Variants in PARPBP observed in about 807,000 individuals in gnomAD.
The protein encoded by PARPBP is PARP1 binding protein.
In PARPBP, 52 loss-of-function variants were observed where a neutral mutation model predicts 50.0. The observed-to-expected ratio is 1.04, with a 90% CI of 0.83 to 1.31. PARPBP has a LOEUF of 1.31. PARPBP is among the 50% of genes most tolerant of loss of function. PARPBP has a pLI of 0.00. For missense variants in PARPBP, 697 were observed against 672.0 expected, an observed-to-expected ratio of 1.04 and a Z score of -0.41; for synonymous variants, 244 against 232.1, an observed-to-expected ratio of 1.05 and a Z score of -0.47.
intron 2 of PARPBP, among the ~76,000 whole-genome samples, chr12:102,131,158 C>G (rs1305852416): frequency 1.3e-5 from 2 of 152,138 alleles, no homozygotes; most frequent in African/African-American, 2.4e-5. Flanking sequence ...AACCCCATCT[C>G]TACTAAAATT....
At chr12:102,136,708 A>G (rs1883685158) in intron 2 of PARPBP, among the ~76,000 whole-genome samples, 1 of 152,116 alleles carries the variant, frequency 6.6e-6, no homozygotes, top group Non-Finnish European at 1.5e-5. Context: ...GTGGTGTGGT[A>G]GGTTGCAGTT....
intron 6 of PARPBP, among the ~76,000 whole-genome samples, chr12:102,171,879 A>G (rs1441029270): frequency 6.6e-6 from 1 of 152,146 alleles, no homozygotes; most frequent in Non-Finnish European, 1.5e-5. Context: ...AAAAAAAAAA[A>G]AAAATTCAGA....
intron 1 of PARPBP, 131 bp downstream of exon 1, chr12:102,120,417 G>A: frequency 2.2e-6 from 1 of 456,164 alleles, no homozygotes; most frequent in South Asian, 1.5e-5. Context: ...GTATTATGGT[G>A]CAGTGACTTG....
intron 2 of PARPBP, among the ~76,000 whole-genome samples, chr12:102,147,467 C>CA (rs1186014039): frequency 6.7e-6 from 1 of 149,262 alleles, no homozygotes; most frequent in African/African-American, 2.5e-5. Flanking sequence ...ATCGCAAGGA[C>CA]AAAAAACCAA....
intron 6 of PARPBP, among the ~76,000 whole-genome samples, chr12:102,170,350 C>T (rs1032045355): frequency 6.6e-6 from 1 of 152,236 alleles, no homozygotes; most frequent in Admixed American, 6.5e-5. Context: ...ATAGACTGTA[C>T]ATACACAAAC....
At chr12:102,132,605 T>C (rs750361521) in intron 2 of PARPBP, among the ~76,000 whole-genome samples, 4 of 152,228 alleles carry the variant, frequency 2.6e-5, no homozygotes, top group African/African-American at 7.2e-5. Context: ...CCAGCTTTGT[T>C]CATTTTGCTC....
intron 6 of PARPBP, among the ~76,000 whole-genome samples, chr12:102,174,155 C>T (rs1259814967): frequency 6.6e-6 from 1 of 151,558 alleles, no homozygotes; most frequent in Non-Finnish European, 1.5e-5. Flanking sequence ...TTTTTCATGA[C>T]TTTTTTCTCA....
chr12:102,154,025 A>G (rs770172404), intron 4 of PARPBP, 49 bp downstream of exon 4: 11 of 1,112,980 alleles, frequency 9.9e-6, no homozygotes, highest in Middle Eastern at 2.2e-4. Flanking sequence ...TCCCTTTCAA[A>G]TCACTGAATT....
At chr12:102,182,488 G>T in intron 8 of PARPBP, 61 bp from the exon 9 acceptor site, 2 of 1,170,048 alleles carry the variant, frequency 1.7e-6, no homozygotes, top group Non-Finnish European at 2.5e-6. Context: ...ACGTGAATTT[G>T]GAGGGAAACA....
At chr12:102,155,451 TG>T (rs1192384678) in intron 4 of PARPBP, among the ~76,000 whole-genome samples, 1 of 151,892 alleles carries the variant, frequency 6.6e-6, no homozygotes, top group Non-Finnish European at 1.5e-5. Flanking sequence ...GCTGGGAAGG[TG>T]ACCGCATCCA....
chr12:102,151,559 C>T (rs1007097696), intron 3 of PARPBP: 4 of 1,532,106 alleles, frequency 2.6e-6, no homozygotes, highest in Non-Finnish European at 3.5e-6. Flanking sequence ...ACCTTCTGAT[C>T]TACCTGGCAG....
In PARPBP at chr12:102,120,676, A is replaced by G. The variant is rs575124270; in HGVS notation, c.-4+390A>G. The stretch of plus-strand genomic sequence containing the variant: ...GAACCTTTGGGACTTGCACTCGAAC[A>G]CTGATAATGATGTTGAGTGCAATTT... On this transcript the variant is annotated intron_variant, in intron 1 of 10. Coordinates refer to ENST00000327680, the MANE Select transcript of PARPBP (RefSeq NM_017915.5). Among the ~76,000 whole-genome samples, 11 of 152,298 alleles carry G rather than the reference A, an allele frequency of 7.2e-5. No homozygotes were observed. The South Asian group carries it at 2.3e-3, about 32-fold the overall frequency.
At chr12:102,170,027 TAAAG>T (rs1332028525) in intron 6 of PARPBP, among the ~76,000 whole-genome samples, 1 of 152,134 alleles carries the variant, frequency 6.6e-6, no homozygotes, top group African/African-American at 2.4e-5. Context: ...TGGGAAGAAA[TAAAG>T]AACACTCATC....
chr12:102,180,671 T>C (rs1889740517), intron 8 of PARPBP, among the ~76,000 whole-genome samples: 1 of 152,186 alleles, frequency 6.6e-6, no homozygotes, highest in African/African-American at 2.4e-5. Flanking sequence ...CAGTGAGCTA[T>C]GATTGCACCA....
chr12:102,190,833 AG>A, intron 9 of PARPBP, among the ~76,000 whole-genome samples: 1 of 152,120 alleles, frequency 6.6e-6, no homozygotes, highest in African/African-American at 2.4e-5. Context: ...GAAGGTTATC[AG>A]TGCTGTGGAG....
At chr12:102,150,233 A>G (rs1424568780) in intron 3 of PARPBP, 3 of 455,172 alleles carry the variant, frequency 6.6e-6, no homozygotes, top group South Asian at 1.6e-5. Flanking sequence ...AAGATCAACA[A>G]CTTAATCTCT....
rs1881576482 is a variant in PARPBP, at chr12:102,124,055, A to G, written c.153+14A>G. 2 of 1,526,420 alleles carry G rather than the reference A, an allele frequency of 1.3e-6. No homozygotes were observed. Among genetic ancestry groups the G allele is most frequent in the Admixed American group, 2.0e-5 (1 of 50,254 alleles). The allele number at this position is 1,526,420 out of a possible 1,614,324, so 94.6% of individuals were successfully genotyped here. ...AACAACAAACAGGTTGGTAAACTAT[A>G]TTTGGGTTAACTTGTTTTTTTAAAG... On this transcript the variant is annotated intron_variant, in intron 2 of 10. Coordinates refer to ENST00000327680, the MANE Select transcript of PARPBP (RefSeq NM_017915.5).
chr12:102,143,975 C>G (rs185367410), intron 2 of PARPBP, among the ~76,000 whole-genome samples: 1 of 152,172 alleles, frequency 6.6e-6, no homozygotes, highest in Non-Finnish European at 1.5e-5. Context: ...TATCACCACT[C>G]TTTCCCCTCA....
chr12:102,171,548 CTAATGT>C (rs1284748566), intron 6 of PARPBP, among the ~76,000 whole-genome samples: 1 of 151,982 alleles, frequency 6.6e-6, no homozygotes, highest in Non-Finnish European at 1.5e-5. Context: ...GTCTAATCTC[CTAATGT>C]TAAAGTTTTT....
Sources: gnomAD v4.1 joint callset for allele counts (sites outside exome capture counted in the v4.1 genomes callset) on GRCh38, gnomAD v4.1.1 for gene constraint, MANE v1.5 for transcripts, NCBI Gene and HGNC (gene_info 2026-07-23, HGNC 2026-07-21) for gene names.